Variants in RBM47 observed in about 807,000 individuals in gnomAD.
The protein encoded by RBM47 is RNA binding motif protein 47.
A neutral mutation model predicts 47.1 loss-of-function variants in RBM47; 21 were observed. The ratio of observed to expected loss-of-function variants is 0.45; its 90% confidence interval spans 0.32 to 0.64. The LOEUF (loss-of-function observed/expected upper bound fraction) is 0.64, where lower values mean the gene tolerates loss of function less well. Among genes scored for constraint, RBM47 ranks in the 30% least tolerant of loss-of-function variants. The pLI is 0.05. For missense variants in RBM47, 708 were observed against 870.9 expected (o/e 0.81, Z 2.35); for synonymous variants, 375 against 361.7 (o/e 1.04, Z -0.42).
At position 40,436,544 on chromosome 4, in the gene RBM47, G is replaced by C; in HGVS notation, c.1227C>G (p.Ser409Arg). ...GGYSAGRGIY[S>R]RYHEGKGKQQ... Reference sequence around the variant, plus strand: ...GCTTTCCTTTCCCTTCATGATATCGGCTATATATACCACGACCAGCAGAAT... The same window carrying C: ...GCTTTCCTTTCCCTTCATGATATCGCCTATATATACCACGACCAGCAGAAT... Residue 409 changes from serine to arginine, a missense_variant, in exon 5 of 7, where the codon AGC becomes AGG. Ser to Arg is a moderately radical substitution (Grantham distance 110). Transcript: ENST00000295971. 1 of 1,614,118 alleles carries C rather than the reference G, an allele frequency of 6.2e-7. No homozygotes were observed. The highest frequency in any genetic ancestry group is 8.5e-7 in the Non-Finnish European group (1 of 1,180,014).
chr4:40,554,350 A>T (rs980531439), intron 1 of RBM47, among the ~76,000 whole-genome samples: 1 of 151,834 alleles, frequency 6.6e-6, no homozygotes, highest in African/African-American at 2.4e-5. Flanking sequence ...ACGTAAGTCA[A>T]ATAGCCCAGC....
chr4:40,573,497 C>G (rs1041028616), intron 1 of RBM47, among the ~76,000 whole-genome samples: 1 of 151,946 alleles, frequency 6.6e-6, no homozygotes, highest in Non-Finnish European at 1.5e-5. Context: ...AATCCCAGCA[C>G]TTTGAGAGGC....
At chr4:40,527,512 A>T (rs1281560436) in intron 2 of RBM47, among the ~76,000 whole-genome samples, 36 of 137,258 alleles carry the variant, frequency 2.6e-4, no homozygotes, top group Non-Finnish European at 4.5e-4. Flanking sequence ...GCTGGTCTTG[A>T]ACTCCTGACC....
intron 3 of RBM47, among the ~76,000 whole-genome samples, chr4:40,449,224 G>A (rs994713185): frequency 3.3e-5 from 5 of 152,120 alleles, no homozygotes; most frequent in African/African-American, 4.8e-5. Flanking sequence ...TTCTATCACA[G>A]GCAGGGACCT....
chr4:40,484,429 C>T (rs1036554664), intron 2 of RBM47, among the ~76,000 whole-genome samples: 1 of 152,130 alleles, frequency 6.6e-6, no homozygotes. Context: ...CCATGCACAA[C>T]CTCCCACCCC....
At chr4:40,622,426 G>A (rs941787893) in intron 1 of RBM47, among the ~76,000 whole-genome samples, 2 of 152,216 alleles carry the variant, frequency 1.3e-5, no homozygotes, top group Admixed American at 6.5e-5. Context: ...ATCAAGAAAA[G>A]GAGTGTGGTT....
chr4:40,456,485 A>G (rs905624684), intron 3 of RBM47, among the ~76,000 whole-genome samples: 2 of 151,844 alleles, frequency 1.3e-5, no homozygotes, highest in African/African-American at 4.8e-5. Context: ...TTTCCTGTAC[A>G]TACTATTCCT....
At chr4:40,553,060 CG>C (rs1729720837) in intron 1 of RBM47, among the ~76,000 whole-genome samples, 1 of 151,468 alleles carries the variant, frequency 6.6e-6, no homozygotes, top group South Asian at 2.1e-4. Context: ...CTCCGCCTCC[CG>C]GGTTCAAGTG....
At chr4:40,463,244 C>A (rs1480330407) in intron 3 of RBM47, among the ~76,000 whole-genome samples, 1 of 152,184 alleles carries the variant, frequency 6.6e-6, no homozygotes, top group African/African-American at 2.4e-5. Flanking sequence ...AAAGAAGACA[C>A]ACAGATGCCC....
At chr4:40,583,248 T>C (rs1262669170) in intron 1 of RBM47, among the ~76,000 whole-genome samples, 1 of 151,576 alleles carries the variant, frequency 6.6e-6, no homozygotes, top group Non-Finnish European at 1.5e-5. Context: ...CCGTCTCTAC[T>C]AAAAATACAA....
intron 3 of RBM47, among the ~76,000 whole-genome samples, chr4:40,441,902 C>T (rs1274233588): frequency 6.6e-6 from 1 of 152,232 alleles, no homozygotes; most frequent in Non-Finnish European, 1.5e-5. Flanking sequence ...AGCCTTTCTT[C>T]ACCTATGCTA....
intron 1 of RBM47, among the ~76,000 whole-genome samples, chr4:40,565,925 C>G (rs1160298605): frequency 6.6e-6 from 1 of 151,706 alleles, no homozygotes; most frequent in African/African-American, 2.4e-5. Context: ...AAAACTAGCC[C>G]GGCGCGGTGG....
intron 4 of RBM47, among the ~76,000 whole-genome samples, chr4:40,437,142 T>C (rs1210225399): frequency 4.9e-5 from 3 of 61,268 alleles, no homozygotes; most frequent in Admixed American, 2.1e-4. Flanking sequence ...AAAATACATA[T>C]ATATATATAA....
chr4:40,440,036 T>C (rs866931791), intron 3 of RBM47, among the ~76,000 whole-genome samples: 5 of 152,204 alleles, frequency 3.3e-5, no homozygotes, highest in South Asian at 2.1e-4. Flanking sequence ...CCTTCACTTA[T>C]ATGGCCAAGG....
chr4:40,495,151 T>G (rs1722402728), intron 2 of RBM47, among the ~76,000 whole-genome samples: 1 of 152,094 alleles, frequency 6.6e-6, no homozygotes, highest in Non-Finnish European at 1.5e-5. Context: ...CAGCCAAAAG[T>G]TCTGAATTAA....
intron 1 of RBM47, among the ~76,000 whole-genome samples, chr4:40,591,902 G>T (rs1461841344): frequency 6.6e-6 from 1 of 152,132 alleles, no homozygotes; most frequent in Non-Finnish European, 1.5e-5. Context: ...GCAAGAATTT[G>T]GTGGGAGGTA....
intron 1 of RBM47, among the ~76,000 whole-genome samples, chr4:40,573,267 G>A (rs1186684759): frequency 1.3e-5 from 2 of 151,250 alleles, no homozygotes; most frequent in Non-Finnish European, 3.0e-5. Context: ...ATTTTTTAAA[G>A]ACATTAATTC....
At chr4:40,604,776 G>A (rs1407336290) in intron 1 of RBM47, among the ~76,000 whole-genome samples, 1 of 152,106 alleles carries the variant, frequency 6.6e-6, no homozygotes, top group African/African-American at 2.4e-5. Flanking sequence ...GAGTACAGTG[G>A]TGCAATCTCA....
intron 3 of RBM47, among the ~76,000 whole-genome samples, chr4:40,460,401 C>T (rs972652533): frequency 2.0e-5 from 3 of 152,196 alleles, no homozygotes; most frequent in African/African-American, 7.2e-5. Flanking sequence ...TATTACAGTG[C>T]TTGAGCTCGA....
Sources: gnomAD v4.1 joint callset for allele counts (sites outside exome capture counted in the v4.1 genomes callset) on GRCh38, gnomAD v4.1.1 for gene constraint, MANE v1.5 for transcripts, NCBI Gene and HGNC (gene_info 2026-07-23, HGNC 2026-07-21) for gene names.